CSMD1: variants seen among roughly 807,000 people sequenced by gnomAD.
CSMD1 encodes the protein CUB and sushi domain-containing protein 1.
Under a neutral mutation model 417.5 loss-of-function variants are expected in CSMD1, and 213 were observed. The ratio of observed to expected loss-of-function variants is 0.51; its 90% CI spans 0.46 to 0.57. CSMD1 has a LOEUF of 0.57. CSMD1 is among the 20% of genes least tolerant of loss of function. The pLI is 0.00. For missense variants in CSMD1, 6,923 were observed against 4,529.7 expected, an observed-to-expected ratio of 1.53 and a Z score of -15.17; for synonymous variants, 2,862 against 1,736.8, an observed-to-expected ratio of 1.65 and a Z score of -16.11.
intron 50 of CSMD1, chr8:3,043,896 C>A (rs536110097): frequency 2.6e-5 from 4 of 152,414 alleles, no homozygotes; most frequent in East Asian, 1.9e-4. Flanking sequence ...ATAGAGCTGT[C>A]ATCTTGACAG....
intron 5 of CSMD1, among the ~76,000 whole-genome samples, chr8:3,932,446 G>T (rs918951285): frequency 6.7e-6 from 1 of 150,204 alleles, no homozygotes; most frequent in Admixed American, 6.6e-5. Context: ...TCATAACCCA[G>T]CCTCAGCACG....
intron 37 of CSMD1, among the ~76,000 whole-genome samples, chr8:3,164,108 C>T (rs545166283): frequency 2.6e-5 from 4 of 152,156 alleles, no homozygotes; most frequent in South Asian, 2.1e-4. Context: ...TCTGAGAGGG[C>T]GAAATGGAGA....
chr8:4,281,031 G>A (rs1427199185), intron 3 of CSMD1, among the ~76,000 whole-genome samples: 3 of 152,130 alleles, frequency 2.0e-5, no homozygotes, highest in Non-Finnish European at 4.4e-5. Flanking sequence ...TTAAAATTCT[G>A]TTCCTTGGTC....
intron 18 of CSMD1, 119 bp downstream of exon 18, chr8:3,387,375 G>A (rs569966701): frequency 1.6e-5 from 12 of 731,440 alleles, no homozygotes; most frequent in Admixed American, 2.9e-5. Flanking sequence ...CTTCTCAGAG[G>A]GAACTCACGC....
At chr8:4,475,640 G>A (rs938271889) in intron 2 of CSMD1, among the ~76,000 whole-genome samples, 1 of 151,426 alleles carries the variant, frequency 6.6e-6, no homozygotes, top group Admixed American at 6.6e-5. Context: ...TCTTCGAGAC[G>A]GAGTCGCCCT....
intron 2 of CSMD1, among the ~76,000 whole-genome samples, chr8:4,422,376 G>C (rs1233409514): frequency 3.3e-5 from 5 of 152,046 alleles, no homozygotes; most frequent in East Asian, 3.9e-4. Flanking sequence ...AACATAACTA[G>C]ATTTGGAAAT....
chr8:3,811,435 G>A (rs1156385879), intron 5 of CSMD1, among the ~76,000 whole-genome samples: 1 of 152,142 alleles, frequency 6.6e-6, no homozygotes, highest in African/African-American at 2.4e-5. Flanking sequence ...TCGACTTACT[G>A]GGAGTGGGCA....
chr8:4,694,093 C>A (rs183820339), intron 1 of CSMD1, among the ~76,000 whole-genome samples: 74 of 152,236 alleles, frequency 4.9e-4, no homozygotes, highest in Non-Finnish European at 8.5e-4. Context: ...AAGACAGCTT[C>A]TAAGATAAAA....
intron 26 of CSMD1, among the ~76,000 whole-genome samples, chr8:3,240,619 T>C (rs1799435511): frequency 1.3e-5 from 2 of 151,876 alleles, no homozygotes; most frequent in Non-Finnish European, 1.5e-5. Flanking sequence ...CTGAGCCTGA[T>C]GGGTGTCAGG....
intron 7 of CSMD1, among the ~76,000 whole-genome samples, chr8:3,697,705 G>C (rs1383549757): frequency 1.3e-5 from 2 of 151,716 alleles, no homozygotes; most frequent in South Asian, 2.1e-4. Flanking sequence ...CAATTACATA[G>C]GAATAGAAAG....
intron 5 of CSMD1, among the ~76,000 whole-genome samples, chr8:3,799,592 T>C (rs1412334251): frequency 6.6e-6 from 1 of 151,830 alleles, no homozygotes; most frequent in Non-Finnish European, 1.5e-5. Flanking sequence ...ACATCAACTT[T>C]TCATTGGTAC....
chr8:4,108,443 C>T (rs1191209673), intron 3 of CSMD1, among the ~76,000 whole-genome samples: 1 of 152,134 alleles, frequency 6.6e-6, no homozygotes. Flanking sequence ...TCATCATTTG[C>T]TCATGAAGGG....
At chr8:3,850,539 A>G (rs1277592516) in intron 5 of CSMD1, among the ~76,000 whole-genome samples, 1 of 152,078 alleles carries the variant, frequency 6.6e-6, no homozygotes, top group Non-Finnish European at 1.5e-5. Flanking sequence ...TATTATGGAT[A>G]CAAAAATTAG....
At chr8:3,062,467 T>C (rs1371159057) in intron 49 of CSMD1, among the ~76,000 whole-genome samples, 1 of 151,754 alleles carries the variant, frequency 6.6e-6, no homozygotes, top group Non-Finnish European at 1.5e-5. Flanking sequence ...GAAAAGTGTG[T>C]CTGAAAATGA....
chr8:4,689,771 A>G (rs1011139175), intron 1 of CSMD1, among the ~76,000 whole-genome samples: 1 of 152,100 alleles, frequency 6.6e-6, no homozygotes, highest in African/African-American at 2.4e-5. Context: ...TATTAAAATG[A>G]TGGTGGTTTA....
intron 2 of CSMD1, among the ~76,000 whole-genome samples, chr8:4,532,247 G>T (rs1386572560): frequency 1.6e-4 from 23 of 143,518 alleles, no homozygotes; most frequent in African/African-American, 6.1e-4. Flanking sequence ...GAGAAATCCT[G>T]CACCCCCATT....
chr8:4,510,157 C>A (rs368320763), intron 2 of CSMD1, among the ~76,000 whole-genome samples: 2 of 151,964 alleles, frequency 1.3e-5, no homozygotes, highest in Non-Finnish European at 2.9e-5. Flanking sequence ...TGCCTGCTGC[C>A]ATGGAAGACG....
In CSMD1 at chr8:3,804,350, A is replaced by C. The variant is rs60347440; in HGVS notation, c.819-50308T>G. Among the ~76,000 whole-genome samples, 986 of 152,326 alleles carry C rather than the reference A, an allele frequency of 6.5e-3. 13 individuals are homozygous for C. The highest frequency in any genetic ancestry group is 0.023 in the African/African-American group (936 of 41,574). ...AACTCTAATGCGTCTTAAAAGAAGCAGTATCAAAAATACCCAGTGTGAATT... is the reference window on the plus strand; with the variant it reads ...AACTCTAATGCGTCTTAAAAGAAGCCGTATCAAAAATACCCAGTGTGAATT... On this transcript the variant is annotated intron_variant, in intron 5 of 69. Coordinates refer to ENST00000635120, the MANE Select transcript of CSMD1 (RefSeq NM_033225.6).
intron 3 of CSMD1, among the ~76,000 whole-genome samples, chr8:4,289,459 A>C (rs1797240726): frequency 6.6e-6 from 1 of 152,178 alleles, no homozygotes; most frequent in Non-Finnish European, 1.5e-5. Flanking sequence ...TGACTCCATC[A>C]AGTCCAGTAG....
Sources: gnomAD v4.1 joint callset for allele counts (sites outside exome capture counted in the v4.1 genomes callset) on GRCh38, gnomAD v4.1.1 for gene constraint, MANE v1.5 for transcripts, NCBI Gene and HGNC (gene_info 2026-07-23, HGNC 2026-07-21) for gene names.